The following RSRC1 variants were observed in gnomAD, a reference collection of about 807,000 sequenced individuals.
The protein encoded by RSRC1 is arginine and serine rich coiled-coil 1.
RSRC1 carries 39 observed loss-of-function variants against 49.1 expected under a neutral mutation model. The observed-to-expected ratio is 0.79, with a 90% confidence interval of 0.61 to 1.04. The LOEUF (loss-of-function observed/expected upper bound fraction) is 1.04, where lower values mean the gene tolerates loss of function less well. RSRC1 is among the 50% of genes least tolerant of loss of function. RSRC1 has a pLI of 0.00. For missense variants in RSRC1, 388 were observed against 402.4 expected (o/e 0.96, Z 0.31); for synonymous variants, 143 against 130.8 (o/e 1.09, Z -0.63).
intron 4 of RSRC1, among the ~76,000 whole-genome samples, chr3:158,251,366 A>G (rs1724200426): frequency 6.6e-6 from 1 of 152,048 alleles, no homozygotes; most frequent in Non-Finnish European, 1.5e-5. Flanking sequence ...TTTCATTGGT[A>G]TTTTAAGAGA....
intron 6 of RSRC1, among the ~76,000 whole-genome samples, chr3:158,392,983 C>A (rs533943809): frequency 8.4e-4 from 128 of 152,138 alleles, no homozygotes; most frequent in Middle Eastern, 3.4e-3. Flanking sequence ...ATTCTTGGAC[C>A]ACAGTGCAGT....
chr3:158,222,713 T>A (rs113126055), intron 4 of RSRC1, among the ~76,000 whole-genome samples: 5 of 151,652 alleles, frequency 3.3e-5, no homozygotes, highest in Non-Finnish European at 7.4e-5. Flanking sequence ...CTTTGCTGTA[T>A]TTACTTCTTT....
intron 3 of RSRC1, among the ~76,000 whole-genome samples, chr3:158,153,107 A>G (rs1214338962): frequency 6.6e-6 from 1 of 152,156 alleles, no homozygotes; most frequent in African/African-American, 2.4e-5. Flanking sequence ...TGTCCTTTTT[A>G]AAGCAACTTT....
chr3:158,292,215 T>C (rs2108105801), intron 4 of RSRC1, among the ~76,000 whole-genome samples: 1 of 152,314 alleles, frequency 6.6e-6, no homozygotes, highest in Admixed American at 6.5e-5. Flanking sequence ...AACTACAAAT[T>C]GGATGAACAG....
intron 4 of RSRC1, among the ~76,000 whole-genome samples, chr3:158,233,689 C>G (rs1037037573): frequency 7.9e-5 from 12 of 151,730 alleles, no homozygotes; most frequent in African/African-American, 2.4e-4. Flanking sequence ...ATAATGAAAT[C>G]TTGATATATT....
chr3:158,203,085 C>CCT lies in RSRC1; in HGVS notation c.336_337dup (p.Arg113LeufsTer63). On this transcript the variant is annotated frameshift_variant, in exon 4 of 10. Transcript: ENST00000611884. LOFTEE classifies it high-confidence loss of function. ...TGCTTACTGTAGGTCCAGGTCAAGACCTCGTCTCCGTTCTCATAGTCGTAG... is the reference window on the plus strand; with the variant it reads ...TGCTTACTGTAGGTCCAGGTCAAGACCTCTCGTCTCCGTTCTCATAGTCGTAG... The CCT allele has an allele frequency of 1.2e-6, 2 of 1,612,534 alleles. No homozygotes were observed. The highest frequency in any genetic ancestry group is 1.7e-6 in the Non-Finnish European group (2 of 1,179,082).
chr3:158,359,188 A>T (rs560048751), intron 6 of RSRC1, among the ~76,000 whole-genome samples: 56 of 152,332 alleles, frequency 3.7e-4, no homozygotes, highest in Admixed American at 2.5e-3. Context: ...AGCAGTGTAT[A>T]AAACAGTTCT....
intron 6 of RSRC1, among the ~76,000 whole-genome samples, chr3:158,393,377 A>G (rs547151291): frequency 6.6e-6 from 1 of 151,932 alleles, no homozygotes; most frequent in Non-Finnish European, 1.5e-5. Flanking sequence ...CAAGAGATCT[A>G]TGAATCTAGG....
intron 6 of RSRC1, among the ~76,000 whole-genome samples, chr3:158,371,871 G>A (rs1384839170): frequency 6.6e-6 from 1 of 151,800 alleles, no homozygotes; most frequent in Non-Finnish European, 1.5e-5. Flanking sequence ...ACTTTGTATG[G>A]TTAGTTTTAG....
chr3:158,396,708 A>G (rs1328952540), intron 6 of RSRC1, among the ~76,000 whole-genome samples: 1 of 152,146 alleles, frequency 6.6e-6, no homozygotes, highest in African/African-American at 2.4e-5. Flanking sequence ...GGATATCTGA[A>G]GGACACAAGA....
intron 7 of RSRC1, among the ~76,000 whole-genome samples, chr3:158,497,361 T>C (rs1489843080): frequency 1.3e-5 from 2 of 151,796 alleles, no homozygotes; most frequent in Non-Finnish European, 1.5e-5. Context: ...CTGAGCAGTA[T>C]ACACTGCACC....
At chr3:158,227,398 CTCTCTTCCCTACTCCTTT>C (rs1031375347) in intron 4 of RSRC1, among the ~76,000 whole-genome samples, 3 of 151,912 alleles carry the variant, frequency 2.0e-5, no homozygotes, top group African/African-American at 7.2e-5. Flanking sequence ...CCTTCCCTTT[CTCTCTTCCCTACTCCTTT>C]TCTCTTCCCT....
chr3:158,195,274 C>T (rs1720518938), intron 3 of RSRC1, among the ~76,000 whole-genome samples: 1 of 151,788 alleles, frequency 6.6e-6, no homozygotes, highest in East Asian at 1.9e-4. Context: ...TTTCATGTGT[C>T]TGTTGGCTGC....
At chr3:158,166,521 C>A (rs1352365167) in intron 3 of RSRC1, among the ~76,000 whole-genome samples, 1 of 152,184 alleles carries the variant, frequency 6.6e-6, no homozygotes, top group Non-Finnish European at 1.5e-5. Context: ...TGGTTCTAAT[C>A]ATTTCCTTAA....
At chr3:158,235,866 C>G (rs1723212442) in intron 4 of RSRC1, among the ~76,000 whole-genome samples, 1 of 152,052 alleles carries the variant, frequency 6.6e-6, no homozygotes, top group Non-Finnish European at 1.5e-5. Context: ...GCCTATCATC[C>G]CAGCACTTTG....
At chr3:158,327,772 A>G (rs1160979813) in intron 5 of RSRC1, among the ~76,000 whole-genome samples, 4 of 151,418 alleles carry the variant, frequency 2.6e-5, no homozygotes, top group Non-Finnish European at 4.4e-5. Flanking sequence ...GCTGAGTTCA[A>G]TTCCTGGATA....
At chr3:158,258,070 GT>G (rs1724672066) in intron 4 of RSRC1, among the ~76,000 whole-genome samples, 1 of 152,022 alleles carries the variant, frequency 6.6e-6, no homozygotes. Context: ...GATATGAGTA[GT>G]TTACACACCA....
chr3:158,184,988 T>C (rs1719843751), intron 3 of RSRC1, among the ~76,000 whole-genome samples: 1 of 147,972 alleles, frequency 6.8e-6, no homozygotes, highest in Admixed American at 6.7e-5. Context: ...AAGCACATAG[T>C]TTTCGGAGTT....
At chr3:158,363,993 A>G (rs780162698) in intron 6 of RSRC1, among the ~76,000 whole-genome samples, 3 of 152,140 alleles carry the variant, frequency 2.0e-5, no homozygotes, top group Non-Finnish European at 2.9e-5. Context: ...GTAGTACGCC[A>G]TAAGTGCCTC....
Sources: gnomAD v4.1 joint callset for allele counts (sites outside exome capture counted in the v4.1 genomes callset) on GRCh38, gnomAD v4.1.1 for gene constraint, MANE v1.5 for transcripts, NCBI Gene and HGNC (gene_info 2026-07-23, HGNC 2026-07-21) for gene names.